Variants in CSMD1 observed in about 807,000 individuals in gnomAD.
CSMD1 encodes CUB and sushi domain-containing protein 1.
Under a neutral mutation model 417.5 loss-of-function variants are expected in CSMD1, and 213 were observed. The observed-to-expected ratio is 0.51, with a 90% CI of 0.46 to 0.57. The LOEUF (loss-of-function observed/expected upper bound fraction) is 0.57. Among genes scored for constraint, CSMD1 ranks in the 20% least tolerant of loss-of-function variants. The pLI, the probability that CSMD1 is intolerant of heterozygous loss-of-function variation, is 0.00. For synonymous variants in CSMD1, 2,862 were observed against 1,736.8 expected (o/e 1.65, Z -16.11); for missense variants, 6,923 against 4,529.7 (o/e 1.53, Z -15.17).
intron 61 of CSMD1, among the ~76,000 whole-genome samples, chr8:2,962,204 G>A (rs1803551708): frequency 3.9e-5 from 6 of 152,148 alleles, no homozygotes; most frequent in Admixed American, 2.0e-4. Flanking sequence ...GGTAGACAGC[G>A]GAGAGAGCCA....
chr8:4,137,549 T>A (rs1252472021), intron 3 of CSMD1, among the ~76,000 whole-genome samples: 1 of 131,942 alleles, frequency 7.6e-6, no homozygotes, highest in Non-Finnish European at 1.8e-5. Context: ...TGTATTATGT[T>A]TTCTTTGATG....
intron 25 of CSMD1, among the ~76,000 whole-genome samples, chr8:3,307,120 T>TTTGCTTCTCTTCCTATTAAAAGAACAGC (rs1563252878): frequency 6.6e-6 from 1 of 152,108 alleles, no homozygotes; most frequent in African/African-American, 2.4e-5. Context: ...AAAAGAACAG[T>TTTGCTTCTCTTCCTATTAAAAGAACAGC]AGAGTGTATT....
chr8:4,403,632 T>C (rs1022680192), intron 3 of CSMD1, among the ~76,000 whole-genome samples: 2 of 152,180 alleles, frequency 1.3e-5, no homozygotes, highest in Non-Finnish European at 2.9e-5. Flanking sequence ...TCTGGTCTAC[T>C]TAGTCGGTGT....
At chr8:3,983,159 C>T (rs1002889737) in intron 5 of CSMD1, among the ~76,000 whole-genome samples, 3 of 113,010 alleles carry the variant, frequency 2.7e-5, no homozygotes, top group Admixed American at 8.8e-5. Flanking sequence ...GAGACGGACT[C>T]TCGCTCTGTC....
At chr8:4,039,293 A>G (rs956755373) in intron 3 of CSMD1, among the ~76,000 whole-genome samples, 2 of 152,136 alleles carry the variant, frequency 1.3e-5, no homozygotes, top group African/African-American at 2.4e-5. Flanking sequence ...CATGATGTGT[A>G]CTTTCTATGT....
intron 1 of CSMD1, among the ~76,000 whole-genome samples, chr8:4,766,614 G>T (rs1812483314): frequency 6.6e-6 from 1 of 152,156 alleles, no homozygotes; most frequent in Non-Finnish European, 1.5e-5. Context: ...TTTACTGAAT[G>T]AAAAAGCAAC....
intron 1 of CSMD1, among the ~76,000 whole-genome samples, chr8:4,670,798 C>T (rs1408691082): frequency 6.6e-6 from 1 of 152,116 alleles, no homozygotes; most frequent in African/African-American, 2.4e-5. Context: ...TAATTTGTTT[C>T]ATGTGCTCAG....
At chr8:3,429,217 G>A (rs891604837) in intron 12 of CSMD1, among the ~76,000 whole-genome samples, 8 of 139,606 alleles carry the variant, frequency 5.7e-5, no homozygotes, top group East Asian at 3.9e-4. Flanking sequence ...AACGCTGAAC[G>A]TTGGAGATGA....
At chr8:4,102,697 T>A (rs1801367846) in intron 3 of CSMD1, among the ~76,000 whole-genome samples, 2 of 152,176 alleles carry the variant, frequency 1.3e-5, no homozygotes, top group Non-Finnish European at 1.5e-5. Context: ...CTGATAATGT[T>A]CTCCTAAAAT....
intron 3 of CSMD1, among the ~76,000 whole-genome samples, chr8:4,276,618 T>G (rs1435010229): frequency 6.6e-6 from 1 of 152,162 alleles, no homozygotes; most frequent in South Asian, 2.1e-4. Flanking sequence ...AAAAAAGTGA[T>G]ACACATAATT....
chr8:3,377,101 T>G (rs1368914186), intron 18 of CSMD1, among the ~76,000 whole-genome samples: 1 of 152,014 alleles, frequency 6.6e-6, no homozygotes, highest in Non-Finnish European at 1.5e-5. Flanking sequence ...CTTGACCACC[T>G]GGGCTCAAGT....
At chr8:4,382,394 A>G (rs1450043348) in intron 3 of CSMD1, among the ~76,000 whole-genome samples, 2 of 152,228 alleles carry the variant, frequency 1.3e-5, no homozygotes, top group African/African-American at 2.4e-5. Context: ...AGAGGAGCGC[A>G]TGGTCAATGA....
chr8:3,669,513 C>A (rs1200695349), intron 7 of CSMD1, among the ~76,000 whole-genome samples: 1 of 152,090 alleles, frequency 6.6e-6, no homozygotes, highest in Non-Finnish European at 1.5e-5. Flanking sequence ...AATACAAGTC[C>A]CAAGTTAATG....
At chr8:3,529,388 G>C (rs10102750) in intron 10 of CSMD1, among the ~76,000 whole-genome samples, 64,131 of 151,990 alleles carry the variant, frequency 0.42, 14,011 homozygotes, top group East Asian at 0.52. Flanking sequence ...TAAAATAATT[G>C]ACTATATTGA....
chr8:3,354,919 C>CTATATATAGATATCTA (rs1808671213), intron 21 of CSMD1, among the ~76,000 whole-genome samples: 1 of 141,572 alleles, frequency 7.1e-6, no homozygotes, highest in Non-Finnish European at 1.5e-5. Context: ...ATAGATATGT[C>CTATATATAGATATCTA]TATCTATAGA....
intron 7 of CSMD1, among the ~76,000 whole-genome samples, chr8:3,634,346 C>T (rs1489059706): frequency 6.6e-6 from 1 of 152,176 alleles, no homozygotes; most frequent in Non-Finnish European, 1.5e-5. Context: ...GTGTGACACT[C>T]TGTGACAAAC....
At chr8:4,573,629 C>T (rs1300831602) in intron 2 of CSMD1, among the ~76,000 whole-genome samples, 2 of 152,150 alleles carry the variant, frequency 1.3e-5, no homozygotes, top group African/African-American at 4.8e-5. Flanking sequence ...GCGGTCTTTC[C>T]CTTAGCAGAG....
chr8:4,430,437 T>G (rs900400031), intron 2 of CSMD1, among the ~76,000 whole-genome samples: 1 of 152,150 alleles, frequency 6.6e-6, no homozygotes, highest in African/African-American at 2.4e-5. Context: ...CCCGGGACCC[T>G]GAGAGGAATT....
rs181168765 is a variant in CSMD1 at position 3,056,718 on chromosome 8, T to A, written c.7475-4071A>T. Among the ~76,000 whole-genome samples, 12 of 146,202 alleles carry A rather than the reference T, an allele frequency of 8.2e-5. No homozygotes were observed. In the East Asian group the frequency reaches 1.7e-3, roughly 21 times the overall value. On this transcript the variant is annotated intron_variant, in intron 49 of 69. Transcript: ENST00000635120. The stretch of plus-strand genomic sequence containing the variant: ...TTAAGTATTTCCAATGTAAGAATTT[T>A]TTATTAAAGATACGTATTTATATGA...
Sources: gnomAD v4.1 joint callset for allele counts (sites outside exome capture counted in the v4.1 genomes callset) on GRCh38, gnomAD v4.1.1 for gene constraint, MANE v1.5 for transcripts, NCBI Gene and HGNC (gene_info 2026-07-23, HGNC 2026-07-21) for gene names.